Variants in KCNMA1 observed in about 807,000 individuals in gnomAD.
KCNMA1 encodes potassium calcium-activated channel subfamily M alpha 1, also known as Calcium-activated potassium channel subunit alpha-1.
In KCNMA1, 29 loss-of-function variants were observed where a neutral mutation model predicts 140.0. The ratio of observed to expected loss-of-function variants is 0.21; its 90% confidence interval spans 0.15 to 0.28. The LOEUF is 0.28. Ranked by LOEUF, KCNMA1 falls within the 10% of genes least tolerant of loss-of-function variation. KCNMA1 has a pLI of 1.00. For missense variants in KCNMA1, 880 were observed against 1,602.2 expected (o/e 0.55, Z 7.70); for synonymous variants, 612 against 611.9 (o/e 1.00, Z 0.00).
At chr10:77,426,265 A>G (rs139415981) in intron 1 of KCNMA1, among the ~76,000 whole-genome samples, 1 of 152,288 alleles carries the variant, frequency 6.6e-6, no homozygotes, top group East Asian at 1.9e-4. Flanking sequence ...GCCTTGGTAA[A>G]GCTTTCTATT....
intron 1 of KCNMA1, among the ~76,000 whole-genome samples, chr10:77,562,536 C>T (rs2066737561): frequency 6.6e-6 from 1 of 152,150 alleles, no homozygotes; most frequent in South Asian, 2.1e-4. Context: ...ACAAAGTCTA[C>T]TACCACAGTC....
intron 5 of KCNMA1, among the ~76,000 whole-genome samples, chr10:77,132,213 G>A (rs2097877369): frequency 6.6e-6 from 1 of 151,956 alleles, no homozygotes; most frequent in Non-Finnish European, 1.5e-5. Flanking sequence ...TTAAAATTTT[G>A]AACATCAAAA....
At chr10:77,475,892 C>A (rs73282826) in intron 1 of KCNMA1, among the ~76,000 whole-genome samples, 3,191 of 152,304 alleles carry the variant, frequency 0.021, 74 homozygotes, top group African/African-American at 0.05. Flanking sequence ...CAGTGAGGCT[C>A]TGGCTGGACT....
intron 2 of KCNMA1, among the ~76,000 whole-genome samples, chr10:77,370,989 C>A (rs1033957347): frequency 1.3e-5 from 2 of 152,180 alleles, no homozygotes; most frequent in Non-Finnish European, 2.9e-5. Context: ...GCTCTTTGCA[C>A]AACAACACCA....
At chr10:77,014,128 A>T (rs567497999) in intron 17 of KCNMA1, among the ~76,000 whole-genome samples, 1 of 152,318 alleles carries the variant, frequency 6.6e-6, no homozygotes, top group East Asian at 1.9e-4. Flanking sequence ...TGGTACGAAC[A>T]CTTAAAATCT....
chr10:77,402,462 T>G (rs189909103), intron 2 of KCNMA1, among the ~76,000 whole-genome samples: 1 of 152,162 alleles, frequency 6.6e-6, no homozygotes, highest in Admixed American at 6.5e-5. Context: ...TGCCATCAAT[T>G]GACATCAGCC....
At position 77,308,540 on chromosome 10, in the gene KCNMA1, G is replaced by A. The variant is rs139559051; in HGVS notation, c.541-57284C>T. On this transcript the variant is annotated intron_variant, in intron 2 of 27. Transcript: ENST00000286628. Reference sequence around the variant, plus strand: ...GTGATTCCAGGTAATTCCTCTAAGTGCACTATTAAATCCCAGCAGCTGTTC... The same window carrying A: ...GTGATTCCAGGTAATTCCTCTAAGTACACTATTAAATCCCAGCAGCTGTTC... Among the ~76,000 whole-genome samples, 82 of 152,256 alleles carry A rather than the reference G, an allele frequency of 5.4e-4. No individual in the cohort carries two copies. The East Asian group carries it at 0.015, about 28-fold the overall frequency.
At chr10:77,152,278 TTGTGTGTGTG>T (rs72088425) in intron 5 of KCNMA1, among the ~76,000 whole-genome samples, 3 of 99,120 alleles carry the variant, frequency 3.0e-5, no homozygotes, top group African/African-American at 3.5e-5. Context: ...TTTTTTGCTT[TTGTGTGTGTG>T]TGTGTGTGTG....
intron 3 of KCNMA1, among the ~76,000 whole-genome samples, chr10:77,209,910 TA>T (rs1187853740): frequency 2.5e-4 from 31 of 122,004 alleles, no homozygotes; most frequent in Non-Finnish European, 4.6e-4. Flanking sequence ...ATCAGTAATT[TA>T]AAAAAAACCT....
intron 1 of KCNMA1, among the ~76,000 whole-genome samples, chr10:77,482,743 G>A (rs1296402977): frequency 6.6e-6 from 1 of 151,908 alleles, no homozygotes; most frequent in Non-Finnish European, 1.5e-5. Context: ...GTTCTCCTCT[G>A]GCCTAAAGAA....
chr10:77,068,693 A>T, intron 14 of KCNMA1, among the ~76,000 whole-genome samples: 1 of 55,824 alleles, frequency 1.8e-5, no homozygotes, highest in African/African-American at 8.2e-5. Flanking sequence ...ACTGTGTTCC[A>T]GGTTTTGTGT....
chr10:77,353,227 G>A lies in KCNMA1; in HGVS notation c.540+50635C>T, dbSNP rs573471011. Among the ~76,000 whole-genome samples the A allele has an allele frequency of 2.0e-5, 3 of 152,142 alleles. No homozygotes were observed. In the East Asian group the frequency reaches 5.8e-4, roughly 29 times the overall value. On this transcript the variant is annotated intron_variant, in intron 2 of 27. Transcript: ENST00000286628. ...GCTCCTCACTATGATTCACACCCTG[G>A]TCCTGCTAATGACCACCTGGCCAGG... is the stretch of plus-strand genomic sequence containing the variant.
chr10:77,244,361 G>A (rs2058072718), intron 3 of KCNMA1, among the ~76,000 whole-genome samples: 1 of 152,192 alleles, frequency 6.6e-6, no homozygotes, highest in South Asian at 2.1e-4. Flanking sequence ...CAGTCCTCCT[G>A]TCCTTTCCTA....
chr10:76,948,181 C>A (rs1003660425), intron 22 of KCNMA1, among the ~76,000 whole-genome samples: 2 of 151,810 alleles, frequency 1.3e-5, no homozygotes, highest in Non-Finnish European at 2.9e-5. Context: ...ATTTTTTTAA[C>A]TTTTTGTAGA....
intron 2 of KCNMA1, among the ~76,000 whole-genome samples, chr10:77,261,357 A>T (rs1312409765): frequency 6.6e-6 from 1 of 152,160 alleles, no homozygotes; most frequent in Non-Finnish European, 1.5e-5. Flanking sequence ...CCAAAGAAGA[A>T]TCTGGGACAT....
At chr10:76,889,776 T>C (rs951904850) in intron 26 of KCNMA1, 2 of 612,194 alleles carry the variant, frequency 3.3e-6, no homozygotes, top group African/African-American at 3.7e-5. Flanking sequence ...CAGGTAACAA[T>C]GGGGTTTTCC....
chr10:77,099,494 C>CT (rs2097036737), intron 9 of KCNMA1, among the ~76,000 whole-genome samples: 1 of 152,138 alleles, frequency 6.6e-6, no homozygotes, highest in East Asian at 1.9e-4. Flanking sequence ...GCTGGCGGAT[C>CT]ACCTGCGGTC....
intron 5 of KCNMA1, among the ~76,000 whole-genome samples, chr10:77,177,598 C>A (rs2098763949): frequency 6.6e-6 from 1 of 151,924 alleles, no homozygotes; most frequent in Non-Finnish European, 1.5e-5. Context: ...TCATCCTCCC[C>A]AGTAGCAAGG....
At chr10:77,012,505 C>T in intron 17 of KCNMA1, 2 of 1,550,318 alleles carry the variant, frequency 1.3e-6, no homozygotes, top group South Asian at 2.4e-5. Context: ...TCAAGCTTGT[C>T]ACTCTGAAAG....
Sources: allele counts gnomAD v4.1 joint callset (sites outside exome capture counted in the v4.1 genomes callset), GRCh38; gene constraint gnomAD v4.1.1; transcripts MANE v1.5; gene names NCBI Gene and HGNC (gene_info 2026-07-23, HGNC 2026-07-21).